The following BCAS4 variants were observed in gnomAD, a reference collection of about 807,000 sequenced individuals.
The protein encoded by BCAS4 is breast carcinoma-amplified sequence 4.
Under a neutral mutation model 15.7 loss-of-function variants are expected in BCAS4, and 9 were observed. The observed-to-expected ratio is 0.57, with a 90% confidence interval of 0.34 to 1.00. BCAS4 has a LOEUF of 1.00. BCAS4 is among the 50% of genes least tolerant of loss of function. The pLI is 0.02. For synonymous variants in BCAS4, 101 were observed against 99.5 expected (o/e 1.02, Z -0.09); for missense variants, 225 against 239.1 (o/e 0.94, Z 0.39).
chr20:50,817,905 C>T (rs1190884192), intron 1 of BCAS4, among the ~76,000 whole-genome samples: 1 of 152,144 alleles, frequency 6.6e-6, no homozygotes, highest in East Asian at 1.9e-4. Context: ...TCTGAGCCTC[C>T]GTGTCCTCAT....
At chr20:50,831,295 G>A (rs993477914) in intron 3 of BCAS4, among the ~76,000 whole-genome samples, 2 of 152,014 alleles carry the variant, frequency 1.3e-5, no homozygotes, top group African/African-American at 4.8e-5. Flanking sequence ...CGGGCGTGGT[G>A]ACACACACTG....
intron 3 of BCAS4, among the ~76,000 whole-genome samples, chr20:50,833,898 C>T (rs988018578): frequency 6.6e-6 from 1 of 152,126 alleles, no homozygotes; most frequent in African/African-American, 2.4e-5. Flanking sequence ...GGGTCCTGGC[C>T]AGAGCTGGAA....
At chr20:50,818,330 A>T in intron 2 of BCAS4, 48 bp downstream of exon 2, 1 of 1,194,836 alleles carries the variant, frequency 8.4e-7, no homozygotes, top group Non-Finnish European at 1.1e-6. Context: ...GCCAGACTTC[A>T]GGCCCTTGCT....
At chr20:50,857,435 G>A (rs1379179080) in intron 4 of BCAS4, among the ~76,000 whole-genome samples, 1 of 152,100 alleles carries the variant, frequency 6.6e-6, no homozygotes. Flanking sequence ...CCAGCTGAAC[G>A]CTATTTTCTA....
At chr20:50,852,915 C>T (rs566654736) in intron 4 of BCAS4, among the ~76,000 whole-genome samples, 232 of 152,130 alleles carry the variant, frequency 1.5e-3, no homozygotes, top group Non-Finnish European at 2.2e-3. Flanking sequence ...GTCTCCTCAG[C>T]GGGGGACATC....
intron 1 of BCAS4, among the ~76,000 whole-genome samples, chr20:50,806,035 C>G (rs2087985822): frequency 6.6e-6 from 1 of 151,676 alleles, no homozygotes. Context: ...CAGTATTCAG[C>G]ACAGCCCACT....
At chr20:50,848,215 C>T (rs992315266) in intron 4 of BCAS4, among the ~76,000 whole-genome samples, 2 of 152,066 alleles carry the variant, frequency 1.3e-5, no homozygotes, top group Non-Finnish European at 2.9e-5. Context: ...GAGATTGCAC[C>T]ACTGCACTCC....
chr20:50,819,411 C>T (rs1158920346), intron 2 of BCAS4, among the ~76,000 whole-genome samples: 5 of 152,106 alleles, frequency 3.3e-5, no homozygotes, highest in Admixed American at 2.0e-4. Context: ...GGAAGCCTGG[C>T]CACCTGGGCC....
At chr20:50,816,092 C>A (rs1416011485) in intron 1 of BCAS4, among the ~76,000 whole-genome samples, 2 of 152,220 alleles carry the variant, frequency 1.3e-5, no homozygotes, top group Non-Finnish European at 2.9e-5. Flanking sequence ...GTGGCACAAT[C>A]TTGGCTCACC....
intron 3 of BCAS4, among the ~76,000 whole-genome samples, chr20:50,837,168 G>T (rs1443425611): frequency 6.6e-6 from 1 of 152,150 alleles, no homozygotes; most frequent in Non-Finnish European, 1.5e-5. Context: ...GAGAAGTGAC[G>T]CTCCTGAGTT....
chr20:50,816,113 C>A (rs1209069627), intron 1 of BCAS4, among the ~76,000 whole-genome samples: 1 of 137,384 alleles, frequency 7.3e-6, no homozygotes, highest in Non-Finnish European at 1.6e-5. Flanking sequence ...GCAACCTCCT[C>A]CTTCTGGGTT....
At chr20:50,881,263 T>C (rs1031605942), downstream of BCAS4, 1 of 151,968 alleles carries the variant, frequency 6.6e-6, no homozygotes, top group African/African-American at 2.4e-5. Context: ...ATTGAAGAAA[T>C]AGGTTAAAAA....
At chr20:50,829,365 C>T (rs2088315761) in intron 2 of BCAS4, among the ~76,000 whole-genome samples, 2 of 152,146 alleles carry the variant, frequency 1.3e-5, no homozygotes, top group Non-Finnish European at 2.9e-5. Flanking sequence ...GCCTCAGCCT[C>T]CCGAGTAGCT....
At chr20:50,836,217 G>T (rs1250825493) in intron 3 of BCAS4, among the ~76,000 whole-genome samples, 1 of 152,126 alleles carries the variant, frequency 6.6e-6, no homozygotes, top group African/African-American at 2.4e-5. Context: ...CGCCTGGCTG[G>T]TGATGTATTT....
At position 50,830,555 on chromosome 20, in the gene BCAS4, A is replaced by G. The variant is rs113683300; in HGVS notation, c.264+175A>G. ...GATATTTCAAAAAAATCACAAGTAA[A>G]AATTTGTTTCCAGGCCAGGTGCAGT... is the stretch of plus-strand genomic sequence containing the variant. On this transcript the variant is annotated intron_variant, in intron 3 of 4. Coordinates refer to ENST00000371608, the MANE Select transcript of BCAS4 (RefSeq NM_198799.4). 0.028 allele frequency among the ~76,000 whole-genome samples: 4,195 copies of G among 152,312 alleles called. 209 individuals are homozygous for G. Among genetic ancestry groups the G allele is most frequent in the African/African-American group, 0.097 (4,018 of 41,546 alleles).
Position 50,876,863 on chromosome 20 carries a change from C to T in BCAS4, c.*255C>T. ...CCAGGCTGCTGCCATTTTCAAATTT[C>T]CTCCCTGCCTCATGTGAGACCACAG... On this transcript the variant is annotated 3_prime_UTR_variant, in exon 5 of 5. Transcript: ENST00000371608. The T allele has an allele frequency of 3.3e-6, 1 of 307,112 alleles. No individual in the cohort carries two copies. Among genetic ancestry groups the T allele is most frequent in the Non-Finnish European group, 5.8e-6 (1 of 172,390 alleles). 19.0% of individuals were successfully genotyped at this position (307,112 alleles called of 1,614,324 possible).
intron 4 of BCAS4, among the ~76,000 whole-genome samples, chr20:50,853,139 ATTTT>A (rs35651267): frequency 1.6e-3 from 170 of 106,880 alleles, no homozygotes; most frequent in African/African-American, 6.4e-3. Flanking sequence ...ATCCCCTTTC[ATTTT>A]TTTTTTTTTT....
At chr20:50,874,631 AG>A (rs1409859122) in intron 4 of BCAS4, among the ~76,000 whole-genome samples, 1 of 152,084 alleles carries the variant, frequency 6.6e-6, no homozygotes, top group Non-Finnish European at 1.5e-5. Context: ...GTGCACTGTG[AG>A]TTGCCGGCTG....
intron 1 of BCAS4, among the ~76,000 whole-genome samples, chr20:50,796,830 G>A (rs541703701): frequency 2.2e-3 from 309 of 142,514 alleles, no homozygotes; most frequent in Non-Finnish European, 3.4e-3. Context: ...TTGAACAGAC[G>A]TTTTTAATTT....
Sources: gnomAD v4.1 joint callset for allele counts (sites outside exome capture counted in the v4.1 genomes callset) on GRCh38, gnomAD v4.1.1 for gene constraint, MANE v1.5 for transcripts, NCBI Gene and HGNC (gene_info 2026-07-23, HGNC 2026-07-21) for gene names.